Variants in CATSPERT observed in about 807,000 individuals in gnomAD.
CATSPERT encodes cation channel sperm-associated targeting subunit tau.
the CATSPERT span, among the ~76,000 whole-genome samples, chr2:201,500,383 A>G: frequency 2.0e-5 from 3 of 151,994 alleles, no homozygotes. Flanking sequence ...GCATGGTGGC[A>G]CGCGCCTGTG....
At chr2:201,541,960 C>T in the CATSPERT span, among the ~76,000 whole-genome samples, 11 of 151,922 alleles carry the variant, frequency 7.2e-5, no homozygotes, top group East Asian at 1.9e-3. Context: ...CATGATCCTA[C>T]CTGATGCACT....
the CATSPERT span, among the ~76,000 whole-genome samples, chr2:201,591,592 C>T: frequency 2.6e-5 from 4 of 151,882 alleles, no homozygotes; most frequent in East Asian, 3.9e-4. Flanking sequence ...GCCATTTTCA[C>T]GATATTGATT....
chr2:201,613,643 C>T, the CATSPERT span, among the ~76,000 whole-genome samples: 5 of 152,236 alleles, frequency 3.3e-5, no homozygotes, highest in Admixed American at 2.0e-4. Flanking sequence ...ATCAGAGTGC[C>T]GTTTCTCCTA....
At chr2:201,551,907 T>TAAA in the CATSPERT span, among the ~76,000 whole-genome samples, 3 of 132,736 alleles carry the variant, frequency 2.3e-5, no homozygotes, top group Non-Finnish European at 3.3e-5. Flanking sequence ...AAACTCCGTC[T>TAAA]AAAAAAAAAA....
the CATSPERT span, among the ~76,000 whole-genome samples, chr2:201,589,013 A>T: frequency 6.6e-6 from 1 of 152,134 alleles, no homozygotes; most frequent in Admixed American, 6.6e-5. Context: ...CAACTGCTAT[A>T]AAAAGAATAA....
At chr2:201,513,876 A>C in the CATSPERT span, among the ~76,000 whole-genome samples, 1 of 152,228 alleles carries the variant, frequency 6.6e-6, no homozygotes, top group Non-Finnish European at 1.5e-5. Flanking sequence ...TTTCTGACCA[A>C]GTAGAATTAA....
the CATSPERT span, among the ~76,000 whole-genome samples, chr2:201,536,840 G>A: frequency 2.6e-5 from 4 of 151,692 alleles, no homozygotes; most frequent in East Asian, 5.8e-4. Flanking sequence ...CTTGAACTGC[G>A]GAAAACAGTA....
chr2:201,579,308 T>C, the CATSPERT span, among the ~76,000 whole-genome samples: 1 of 152,136 alleles, frequency 6.6e-6, no homozygotes, highest in Non-Finnish European at 1.5e-5. Context: ...GGTGCAATCA[T>C]GGCTCACTGC....
At chr2:201,611,762 T>C in the CATSPERT span, among the ~76,000 whole-genome samples, 12 of 152,290 alleles carry the variant, frequency 7.9e-5, no homozygotes, top group Admixed American at 6.5e-4. Flanking sequence ...TGAATGCTAG[T>C]ATCCCTAACA....
chr2:201,618,811 C>T, the CATSPERT span: 14 of 1,184,558 alleles, frequency 1.2e-5, no homozygotes, highest in Admixed American at 1.8e-4. Context: ...GCAATTGGCA[C>T]ACATTGAACC....
the CATSPERT span, among the ~76,000 whole-genome samples, chr2:201,516,754 T>C: frequency 1.8e-4 from 28 of 151,890 alleles, no homozygotes; most frequent in Non-Finnish European, 2.9e-4. Context: ...GGAGATTTTT[T>C]TTCCCCCCTA....
At chr2:201,529,171 A>G in the CATSPERT span, among the ~76,000 whole-genome samples, 1 of 152,088 alleles carries the variant, frequency 6.6e-6, no homozygotes, top group Non-Finnish European at 1.5e-5. Flanking sequence ...CATCCATACT[A>G]CCCAATGCAG....
chr2:201,603,469 C>T, the CATSPERT span, among the ~76,000 whole-genome samples: 4 of 152,002 alleles, frequency 2.6e-5, no homozygotes, highest in East Asian at 5.8e-4. Flanking sequence ...AAGAAAAATG[C>T]GCAGGCCACA....
the CATSPERT span, among the ~76,000 whole-genome samples, chr2:201,499,742 G>C: frequency 6.6e-6 from 1 of 151,670 alleles, no homozygotes; most frequent in African/African-American, 2.4e-5. Flanking sequence ...GCTGAGGTGG[G>C]GGATCACTTG....
chr2:201,539,428 C>T, the CATSPERT span, among the ~76,000 whole-genome samples: 1 of 149,506 alleles, frequency 6.7e-6, no homozygotes, highest in South Asian at 2.1e-4. Flanking sequence ...TGATGTTGAG[C>T]ATTTTTTCAT....
At chr2:201,556,452 T>C in the CATSPERT span, among the ~76,000 whole-genome samples, 1 of 147,756 alleles carries the variant, frequency 6.8e-6, no homozygotes, top group East Asian at 2.0e-4. Context: ...GAGCTTGCAG[T>C]GAGCCGAGAT....
the CATSPERT span, chr2:201,493,332 A>G: frequency 6.5e-7 from 1 of 1,536,742 alleles, no homozygotes; most frequent in South Asian, 1.2e-5. Flanking sequence ...ATTCAGCTCT[A>G]CTAACAGAAG....
At chr2:201,574,755 C>T in the CATSPERT span, among the ~76,000 whole-genome samples, 1 of 152,116 alleles carries the variant, frequency 6.6e-6, no homozygotes, top group Non-Finnish European at 1.5e-5. Flanking sequence ...AGTCAAGTGT[C>T]CATCTTTCTG....
chr2:201,581,229 A>C, the CATSPERT span, among the ~76,000 whole-genome samples: 1 of 151,122 alleles, frequency 6.6e-6, no homozygotes, highest in South Asian at 2.1e-4. Context: ...AACACAGCAA[A>C]ACCCTGTCTC....
Sources: gnomAD v4.1 joint callset for allele counts (sites outside exome capture counted in the v4.1 genomes callset) on GRCh38, gnomAD v4.1.1 for gene constraint, MANE v1.5 for transcripts, NCBI Gene and HGNC (gene_info 2026-07-23, HGNC 2026-07-21) for gene names.